AGBL4: variants seen among roughly 807,000 people sequenced by gnomAD.
AGBL4 encodes the protein cytosolic carboxypeptidase 6.
In AGBL4, 58 loss-of-function variants were observed where a neutral mutation model predicts 66.4. The ratio of observed to expected loss-of-function variants is 0.87; its 90% CI spans 0.71 to 1.09. The LOEUF (loss-of-function observed/expected upper bound fraction) is 1.09, where lower values mean the gene tolerates loss of function less well. Among genes scored for constraint, AGBL4 ranks in the 50% least tolerant of loss-of-function variants. AGBL4 has a pLI of 0.00. For missense variants in AGBL4, 579 were observed against 631.0 expected (o/e 0.92, Z 0.88); for synonymous variants, 234 against 222.9 (o/e 1.05, Z -0.44).
At chr1:49,767,725 A>T (rs2147875871) in intron 2 of AGBL4, among the ~76,000 whole-genome samples, 1 of 152,262 alleles carries the variant, frequency 6.6e-6, no homozygotes, top group South Asian at 2.1e-4. Flanking sequence ...ACAAAGAAAG[A>T]AGACAAAAAG....
chr1:49,012,102 T>C (rs1012917678), intron 5 of AGBL4, among the ~76,000 whole-genome samples: 3 of 151,524 alleles, frequency 2.0e-5, no homozygotes, highest in Non-Finnish European at 4.4e-5. Context: ...AAGGGAGGGC[T>C]ACTGTACAAT....
chr1:48,776,885 C>T, intron 6 of AGBL4: 2 of 691,322 alleles, frequency 2.9e-6, no homozygotes, highest in Non-Finnish European at 3.9e-6. Context: ...GGGGCGGGCG[C>T]GGAGGTGGGG....
intron 9 of AGBL4, among the ~76,000 whole-genome samples, chr1:48,618,271 T>C (rs1645352565): frequency 6.6e-6 from 1 of 152,208 alleles, no homozygotes; most frequent in African/African-American, 2.4e-5. Flanking sequence ...AAGTGAATGC[T>C]TGTATGTGAA....
At chr1:48,811,839 A>G (rs1646058532) in intron 6 of AGBL4, among the ~76,000 whole-genome samples, 1 of 152,146 alleles carries the variant, frequency 6.6e-6, no homozygotes, top group African/African-American at 2.4e-5. Context: ...GCCTCCTGCT[A>G]GAGGGGTTGA....
chr1:49,836,403 G>A (rs868255988), intron 2 of AGBL4, among the ~76,000 whole-genome samples: 13 of 152,088 alleles, frequency 8.5e-5, no homozygotes, highest in Middle Eastern at 3.4e-3. Context: ...CAAAGTTCTC[G>A]TCCTGTGTTT....
At chr1:49,127,467 T>C (rs1487474988) in intron 4 of AGBL4, among the ~76,000 whole-genome samples, 1 of 151,578 alleles carries the variant, frequency 6.6e-6, no homozygotes, top group Middle Eastern at 3.2e-3. Flanking sequence ...AAATGGCCAA[T>C]TGGGGTCTGG....
chr1:49,077,783 A>G (rs143748375), intron 4 of AGBL4, among the ~76,000 whole-genome samples: 19 of 152,262 alleles, frequency 1.2e-4, no homozygotes, highest in African/African-American at 4.6e-4. Context: ...TATGGAAGCA[A>G]TAATTTTGCT....
chr1:49,222,906 A>T lies in AGBL4; in HGVS notation c.377+22864T>A, dbSNP rs1649612239. On this transcript the variant is annotated intron_variant, in intron 4 of 13. Transcript: ENST00000371839. ...TACAGACATGGTGTTTTTTTATTTG[A>T]GGGAAGACCTATATCCTCAAACAAG... Among the ~76,000 whole-genome samples, 3 of 152,076 alleles carry T rather than the reference A, an allele frequency of 2.0e-5. No individual in the cohort carries two copies. The South Asian group carries it at 6.2e-4, about 32-fold the overall frequency.
chr1:49,736,029 C>T (rs1054943117), intron 2 of AGBL4, among the ~76,000 whole-genome samples: 2 of 151,922 alleles, frequency 1.3e-5, no homozygotes, highest in South Asian at 2.1e-4. Flanking sequence ...AATAGAGCCA[C>T]AGAAATCTTT....
At chr1:49,418,500 T>A (rs1645476529) in intron 3 of AGBL4, among the ~76,000 whole-genome samples, 1 of 152,218 alleles carries the variant, frequency 6.6e-6, no homozygotes, top group Non-Finnish European at 1.5e-5. Context: ...TAAAATGTGC[T>A]ATGAATGGAC....
intron 1 of AGBL4, among the ~76,000 whole-genome samples, chr1:50,022,209 CTTGTAGAGCTTACA>C (rs1282608459): frequency 1.3e-5 from 2 of 152,080 alleles, no homozygotes; most frequent in African/African-American, 4.8e-5. Context: ...AAACAATGCC[CTTGTAGAGCTTACA>C]TTGTAGTGGA....
At chr1:49,669,094 G>C (rs760867583) in intron 3 of AGBL4, among the ~76,000 whole-genome samples, 24 of 152,134 alleles carry the variant, frequency 1.6e-4, no homozygotes, top group Non-Finnish European at 3.1e-4. Context: ...TTACAACATA[G>C]TGTGCAGAAA....
chr1:49,705,213 T>C (rs1558178275), intron 2 of AGBL4, among the ~76,000 whole-genome samples: 1 of 152,208 alleles, frequency 6.6e-6, no homozygotes, highest in Non-Finnish European at 1.5e-5. Flanking sequence ...TAACTCATGA[T>C]TTGGCTTTCT....
chr1:48,882,989 T>C (rs1431883227), intron 5 of AGBL4, among the ~76,000 whole-genome samples: 1 of 152,210 alleles, frequency 6.6e-6, no homozygotes. Flanking sequence ...TGTGTATATA[T>C]ACCACAATTT....
rs762914348 is a variant in AGBL4, at chr1:48,590,922, AC to A, written c.1014del (p.Met338IlefsTer41). 9.9e-6 allele frequency: 16 copies of A among 1,610,636 alleles called. No homozygotes were observed. The highest frequency in any genetic ancestry group is 1.2e-5 in the Non-Finnish European group (14 of 1,178,668). The part of the protein sequence containing the change: ...HAHSTMMNGF[M>X]YGNIFEDEER... ...TCCTCATCCTCAAAGATGTTGCCAT[AC>A]ATGAAGCCATTCATCATGGTGGAGT... On this transcript the variant is annotated frameshift_variant, in exon 10 of 14. Coordinates refer to ENST00000371839, the MANE Select transcript of AGBL4 (RefSeq NM_032785.4). LOFTEE classifies it high-confidence loss of function.
At chr1:49,705,399 T>C (rs1315752106) in intron 2 of AGBL4, among the ~76,000 whole-genome samples, 5 of 152,154 alleles carry the variant, frequency 3.3e-5, no homozygotes, top group African/African-American at 7.2e-5. Context: ...CTCTTCCTAT[T>C]TGAATACGCT....
chr1:48,571,653 C>T (rs562181254), intron 11 of AGBL4, among the ~76,000 whole-genome samples: 2 of 152,342 alleles, frequency 1.3e-5, no homozygotes, highest in African/African-American at 4.8e-5. Flanking sequence ...TAGGAAATGC[C>T]TTTCATTGCT....
intron 3 of AGBL4, among the ~76,000 whole-genome samples, chr1:49,551,501 G>A (rs565183536): frequency 6.6e-6 from 1 of 152,246 alleles, no homozygotes; most frequent in African/African-American, 2.4e-5. Context: ...CCTTCATGTT[G>A]TACTCTCCCC....
chr1:49,136,302 G>A (rs933895416), intron 4 of AGBL4, among the ~76,000 whole-genome samples: 2 of 151,960 alleles, frequency 1.3e-5, no homozygotes, highest in African/African-American at 4.8e-5. Flanking sequence ...AATTCATTTG[G>A]GACAATTATC....
Sources: allele counts gnomAD v4.1 joint callset (sites outside exome capture counted in the v4.1 genomes callset), GRCh38; gene constraint gnomAD v4.1.1; transcripts MANE v1.5; gene names NCBI Gene and HGNC (gene_info 2026-07-23, HGNC 2026-07-21).